KSR1: variants seen among roughly 807,000 people sequenced by gnomAD.
KSR1 encodes the protein kinase suppressor of ras.
Under a neutral mutation model 92.9 loss-of-function variants are expected in KSR1, and 35 were observed. That is an observed-to-expected ratio of 0.38 (90% confidence interval 0.29 to 0.50). The LOEUF is 0.50. Ranked by LOEUF, KSR1 falls within the 20% of genes least tolerant of loss-of-function variation. KSR1 has a pLI of 0.94. For synonymous variants in KSR1, 467 were observed against 472.6 expected (o/e 0.99, Z 0.15); for missense variants, 972 against 1,158.5 (o/e 0.84, Z 2.34).
rs1046433842 is a variant in KSR1, at chr17:27,621,195, G to A, written c.2630G>A (p.Arg877His). ...HPGHFWKSAD[R>H]WRSRYYGKGR... ...GAATGGTCGCTGGGCACTCCCAGTCGCTGGAGGAGCCGCTACTATGGAAAA... is the reference window on the plus strand; with the variant it reads ...GAATGGTCGCTGGGCACTCCCAGTCACTGGAGGAGCCGCTACTATGGAAAA... The change falls in exon 20 of 21, where the codon CGC (arginine) becomes CAC (histidine). Residue 877 changes from arginine (R) to histidine (H), a missense_variant and splice_region_variant. Arg to His is a conservative substitution (Grantham distance 29). Transcript: ENST00000644974. 3.5e-5 allele frequency: 14 copies of A among 398,546 alleles called. No individual in the cohort carries two copies. The highest frequency in any genetic ancestry group is 5.3e-5 in the Non-Finnish European group (12 of 226,126). 24.7% of individuals were successfully genotyped at this position (398,546 alleles called of 1,614,324 possible). A position where few individuals can be genotyped will look rare whatever the true frequency, so the allele number is the denominator to read the frequency against.
intron 2 of KSR1, among the ~76,000 whole-genome samples, chr17:27,560,913 G>C (rs2071802298): frequency 6.6e-6 from 1 of 152,182 alleles, no homozygotes; most frequent in South Asian, 2.1e-4. Context: ...CAATGTGTCA[G>C]CCCAGCAGCA....
intron 1 of KSR1, among the ~76,000 whole-genome samples, chr17:27,489,589 G>A (rs558160568): frequency 1.7e-4 from 26 of 152,270 alleles, no homozygotes; most frequent in African/African-American, 6.0e-4. Flanking sequence ...GTGTACAAAA[G>A]TTCTGGCTCT....
chr17:27,534,924 C>T (rs147171122), intron 1 of KSR1, among the ~76,000 whole-genome samples: 205 of 152,276 alleles, frequency 1.3e-3, no homozygotes, highest in Non-Finnish European at 1.8e-3. Flanking sequence ...AATGGTCCCT[C>T]AGGAAAAGAG....
chr17:27,625,989 T>C lies in KSR1; in HGVS notation c.*2597T>C, dbSNP rs748633465. 1.3e-5 allele frequency: 2 copies of C among 152,214 alleles called. No individual in the cohort carries two copies. The highest frequency in any genetic ancestry group is 2.9e-5 in the Non-Finnish European group (2 of 68,036). The allele number at this position is 152,214 out of a possible 1,614,324, so 9.4% of individuals were successfully genotyped here. The stretch of plus-strand genomic sequence containing the variant: ...TGAGCAGTGTGTAGCAAAGTTGATC[T>C]CTCCATGTCACCAAATCAAAACACC... On this transcript the variant is annotated 3_prime_UTR_variant, in exon 21 of 21. Coordinates refer to ENST00000644974, the MANE Select transcript of KSR1 (RefSeq NM_001394583.1).
intron 1 of KSR1, among the ~76,000 whole-genome samples, chr17:27,462,191 T>A (rs1251063911): frequency 6.6e-6 from 1 of 152,190 alleles, no homozygotes; most frequent in Admixed American, 6.5e-5. Flanking sequence ...ACAATGATGC[T>A]ATGAGGCCTT....
chr17:27,623,704 AC>A lies in KSR1; in HGVS notation c.*313del, dbSNP rs1399084623. The A allele has an allele frequency of 1.8e-6, 1 of 570,830 alleles. No individual in the cohort carries two copies. Among genetic ancestry groups the A allele is most frequent in the African/African-American group, 1.9e-5 (1 of 51,688 alleles). The allele number at this position is 570,830 out of a possible 1,614,324, so 35.4% of individuals were successfully genotyped here. ...AAACAGTCTGTGCAGATGCACTGGC[AC>A]TGACGGCCAGGATGGCGGAAATGGC... On this transcript the variant is annotated 3_prime_UTR_variant, in exon 21 of 21. Transcript: ENST00000644974.
At chr17:27,616,069 T>C (rs1040626801) in intron 18 of KSR1, among the ~76,000 whole-genome samples, 3 of 152,246 alleles carry the variant, frequency 2.0e-5, no homozygotes, top group Non-Finnish European at 4.4e-5. Context: ...TTCATAAACA[T>C]ATATCTGAGG....
At chr17:27,526,722 T>A in intron 1 of KSR1, 5 of 1,329,750 alleles carry the variant, frequency 3.8e-6, no homozygotes, top group Non-Finnish European at 5.4e-6. Flanking sequence ...GGTTGAGAGG[T>A]CCTCTCACGT....
chr17:27,550,395 T>A (rs986304496), intron 1 of KSR1, among the ~76,000 whole-genome samples, 173 bp from the exon 2 acceptor site: 1 of 152,154 alleles, frequency 6.6e-6, no homozygotes, highest in African/African-American at 2.4e-5. Context: ...CTGCCTGTTC[T>A]CCCAGACCCT....
intron 17 of KSR1, 70 bp from the exon 18 acceptor site, chr17:27,611,424 C>T (rs891614485): frequency 1.2e-6 from 2 of 1,602,312 alleles, no homozygotes; most frequent in Admixed American, 3.4e-5. Context: ...TGGGCTATGG[C>T]TCAAGGGCCC....
intron 1 of KSR1, among the ~76,000 whole-genome samples, chr17:27,482,653 C>G (rs562781388): frequency 1.3e-5 from 2 of 152,142 alleles, no homozygotes; most frequent in Non-Finnish European, 2.9e-5. Context: ...ACATTTAGAC[C>G]TATGGCACTT....
At position 27,500,059 on chromosome 17, in the gene KSR1, C is replaced by T. The variant is rs181016375; in HGVS notation, c.231+43185C>T. On this transcript the variant is annotated intron_variant, in intron 1 of 20. Transcript: ENST00000644974. ...GGGAGAAGGCACCTTCGGCGTCTGC[C>T]GTTCTGCGTTATGGCATCACCTTGG... Among the ~76,000 whole-genome samples the T allele has an allele frequency of 5.3e-5, 8 of 152,294 alleles. 1 individual carries two copies. The East Asian group carries it at 5.8e-4, about 11-fold the overall frequency.
chr17:27,585,994 C>A, intron 5 of KSR1: 1 of 371,856 alleles, frequency 2.7e-6, no homozygotes, highest in Non-Finnish European at 4.9e-6. Flanking sequence ...GCTGGGCTGC[C>A]ACGGTAAAGC....
Position 27,605,583 on chromosome 17 carries a change from C to T in KSR1, c.1764C>T (p.Phe588=), listed in dbSNP as rs2289568. Residue 588 remains phenylalanine, a synonymous_variant, in exon 14 of 21, where the codon TTC becomes TTT. Transcript: ENST00000644974. ...ACCTGCAGGAGTGGGACATCCCCTT[C>T]GAGCAGGTAGAGCTGGGCGAGCCCA... ...SVYLQEWDIP[F]EQVELGEPIG... is the part of the protein sequence containing the mutation. 25,309 of 1,597,784 alleles carry T rather than the reference C, an allele frequency of 0.016. 2,494 individuals are homozygous for T. The East Asian group carries it at 0.24, about 15-fold the overall frequency.
At position 27,609,981 on chromosome 17, in the gene KSR1, C is replaced by T. The variant is rs561156880; in HGVS notation, c.2226-86C>T. 15 of 1,543,812 alleles carry T rather than the reference C, an allele frequency of 9.7e-6. No individual in the cohort carries two copies. In the East Asian group the frequency reaches 2.7e-4, roughly 28 times the overall value. On this transcript the variant is annotated intron_variant, in intron 16 of 20. Transcript: ENST00000644974. ...TCTAAGCTGTGTGTGGGTGTTCTGC[C>T]GGCCCTGGGGCAGACCTGTGCCAGG...
chr17:27,609,247 A>G lies in KSR1; in HGVS notation c.2143A>G (p.Lys715Glu). ...KGIVHKDLKS[K>E]NVFYDNGKVV... ...CATCGTACACAAAGATCTCAAATCT[A>G]AGAACGTCTTCTATGACAACGGCAA... The change falls in exon 16 of 21, where the codon AAG becomes GAG. Residue 715 changes from lysine to glutamate, a missense_variant. Transcript: ENST00000644974. 1 of 1,614,030 alleles carries G rather than the reference A, an allele frequency of 6.2e-7. No homozygotes were observed. The highest frequency in any genetic ancestry group is 8.5e-7 in the Non-Finnish European group (1 of 1,179,890).
intron 14 of KSR1, among the ~76,000 whole-genome samples, chr17:27,606,893 G>A (rs183686354): frequency 8.5e-5 from 13 of 152,148 alleles, no homozygotes; most frequent in East Asian, 3.9e-4. Flanking sequence ...GTGCAGTGGC[G>A]TGTTCTTGGC....
At chr17:27,492,078 GAGAC>G (rs1306897304) in intron 1 of KSR1, among the ~76,000 whole-genome samples, 1 of 152,198 alleles carries the variant, frequency 6.6e-6, no homozygotes, top group Non-Finnish European at 1.5e-5. Context: ...GCCTTTGCTG[GAGAC>G]AGACGGTACT....
intron 1 of KSR1, among the ~76,000 whole-genome samples, chr17:27,493,589 G>T (rs574403097): frequency 1.3e-5 from 2 of 152,246 alleles, no homozygotes; most frequent in South Asian, 2.1e-4. Context: ...CTAAAACCCA[G>T]GGAAATGTGT....
Sources: allele counts gnomAD v4.1 joint callset (sites outside exome capture counted in the v4.1 genomes callset), GRCh38; gene constraint gnomAD v4.1.1; transcripts MANE v1.5; gene names NCBI Gene and HGNC (gene_info 2026-07-23, HGNC 2026-07-21).